DDX60L: variants seen among roughly 807,000 people sequenced by gnomAD.
The protein encoded by DDX60L is DExD/H-box 60 like.
DDX60L carries 191 observed loss-of-function variants against 211.6 expected under a neutral mutation model. The ratio of observed to expected loss-of-function variants is 0.90; its 90% CI spans 0.80 to 1.02. DDX60L has a LOEUF of 1.02. DDX60L is among the 50% of genes least tolerant of loss of function. DDX60L has a pLI of 0.00. For missense variants in DDX60L, 2,007 were observed against 1,984.1 expected, an observed-to-expected ratio of 1.01 and a Z score of -0.22; for synonymous variants, 706 against 694.1, an observed-to-expected ratio of 1.02 and a Z score of -0.27.
At position 168,461,826 on chromosome 4, in the gene DDX60L, A is replaced by T. The variant is rs1757356721; in HGVS notation, c.479T>A (p.Phe160Tyr). Reference protein sequence around the residue: ...LSDLQTYLFNFLIIHSWGMKV... With the variant: ...LSDLQTYLFNYLIIHSWGMKV... ...CATTCCCCAGGAATGTATGATTAGG[A>T]AGTTAAAAAGGTACGTTTGTAAATC... Residue 160 changes from phenylalanine to tyrosine, a missense_variant, in exon 5 of 38, where the codon TTC (phenylalanine) becomes TAC (tyrosine). Transcript: ENST00000682922. The T allele has an allele frequency of 6.2e-7, 1 of 1,608,050 alleles. No homozygotes were observed. Among genetic ancestry groups the T allele is most frequent in the East Asian group, 2.2e-5 (1 of 44,804 alleles).
chr4:168,437,366 A>G (rs1208234993), intron 10 of DDX60L, among the ~76,000 whole-genome samples: 1 of 152,204 alleles, frequency 6.6e-6, no homozygotes, highest in East Asian at 1.9e-4. Context: ...AGGTAGAGGC[A>G]GAGATGAAAG....
chr4:168,446,302 A>G (rs1449519397), intron 9 of DDX60L, among the ~76,000 whole-genome samples: 3 of 152,184 alleles, frequency 2.0e-5, no homozygotes, highest in Admixed American at 2.0e-4. Flanking sequence ...AGAATAAAAT[A>G]CCTAGGAATC....
rs771028367 is a variant in DDX60L at position 168,371,728 on chromosome 4, C to CTGAG, written c.4808_4811dup (p.Gln1604HisfsTer13). 2.5e-6 allele frequency: 4 copies of CTGAG among 1,610,702 alleles called. No individual in the cohort carries two copies. Among genetic ancestry groups the CTGAG allele is most frequent in the Non-Finnish European group, 3.4e-6 (4 of 1,177,628 alleles). On this transcript the variant is annotated frameshift_variant, in exon 36 of 38. Transcript: ENST00000682922. LOFTEE classifies it high-confidence loss of function. ...ATTTCCATGGCCACAGCAGAGGAGC[C>CTGAG]TGAGTGCCACTAACACCGACTGTGC...
intron 4 of DDX60L, 135 bp downstream of exon 4, chr4:168,471,611 AT>A (rs36117308): frequency 9.4e-6 from 6 of 641,158 alleles, no homozygotes; most frequent in Non-Finnish European, 1.5e-5. Context: ...ATTATGGGTA[AT>A]TTTTTCTTTT....
At chr4:168,433,770 C>G (rs571516200) in intron 10 of DDX60L, among the ~76,000 whole-genome samples, 5 of 152,320 alleles carry the variant, frequency 3.3e-5, no homozygotes, top group Admixed American at 2.6e-4. Context: ...GCATCTCTCA[C>G]TTTCCTTTGG....
chr4:168,453,142 A>T lies in DDX60L; in HGVS notation c.978T>A (p.Ser326Arg), dbSNP rs1756034244. ...TGTTTACCATTTTTAAGAAAGAATC[A>T]CTGTTCCTAATCCAAGAGCATGTGA... ...RVITCSWIRN[S>R]DSFLKMNKWC... Residue 326 changes from serine to arginine, a missense_variant, in exon 8 of 38, where the codon AGT (serine) becomes AGA (arginine). Physicochemically the swap from Ser to Arg is moderately radical, Grantham distance 110. Coordinates refer to ENST00000682922, the MANE Select transcript of DDX60L (RefSeq NM_001012967.3). 1 of 1,608,628 alleles carries T rather than the reference A, an allele frequency of 6.2e-7. No individual in the cohort carries two copies. The highest frequency in any genetic ancestry group is 1.1e-5 in the South Asian group (1 of 89,796).
chr4:168,395,855 T>G, intron 27 of DDX60L, 104 bp downstream of exon 27: 1 of 785,706 alleles, frequency 1.3e-6, no homozygotes, highest in Non-Finnish European at 2.1e-6. Flanking sequence ...TAATCATATT[T>G]CAAAGGTATT....
At chr4:168,369,928 T>C (rs868116013) in intron 36 of DDX60L, among the ~76,000 whole-genome samples, 1 of 152,088 alleles carries the variant, frequency 6.6e-6, no homozygotes, top group African/African-American at 2.4e-5. Flanking sequence ...AAGCAAGTGT[T>C]GGTGTGAATG....
chr4:168,403,272 G>A (rs981192207), intron 25 of DDX60L, among the ~76,000 whole-genome samples: 2 of 151,816 alleles, frequency 1.3e-5, no homozygotes, highest in Non-Finnish European at 2.9e-5. Context: ...AACACATGTG[G>A]CTTAGTGCTA....
intron 29 of DDX60L, chr4:168,390,191 A>T: frequency 9.9e-7 from 1 of 1,009,212 alleles, no homozygotes; most frequent in South Asian, 4.6e-5. Flanking sequence ...ATTGTGGTCC[A>T]TAGTAAATAA....
At chr4:168,382,906 C>T (rs948967118) in intron 30 of DDX60L, among the ~76,000 whole-genome samples, 1 of 152,098 alleles carries the variant, frequency 6.6e-6, no homozygotes, top group Non-Finnish European at 1.5e-5. Context: ...AGACTACAAA[C>T]AATAATAGCT....
intron 22 of DDX60L, among the ~76,000 whole-genome samples, chr4:168,411,538 A>G (rs1237356743): frequency 6.6e-6 from 1 of 152,190 alleles, no homozygotes; most frequent in Non-Finnish European, 1.5e-5. Context: ...AGCCTGACCC[A>G]GAGGAGAACT....
intron 13 of DDX60L, among the ~76,000 whole-genome samples, chr4:168,430,258 C>G (rs760136434): frequency 2.0e-5 from 3 of 152,120 alleles, no homozygotes; most frequent in Non-Finnish European, 4.4e-5. Context: ...GATGCCACCA[C>G]AGTTTCTGTA....
At chr4:168,363,214 C>A (rs1739397600) in intron 36 of DDX60L, among the ~76,000 whole-genome samples, 1 of 152,080 alleles carries the variant, frequency 6.6e-6, no homozygotes, top group Non-Finnish European at 1.5e-5. Context: ...GGAAAGCTAT[C>A]CTTCAGAAAT....
intron 7 of DDX60L, 133 bp downstream of exon 7, chr4:168,455,906 C>A: frequency 1.7e-6 from 1 of 597,180 alleles, no homozygotes; most frequent in South Asian, 2.2e-5. Context: ...GGCTAAATTC[C>A]TAATGAAGAA....
intron 4 of DDX60L, chr4:168,469,129 A>G (rs1324806851): frequency 6.6e-6 from 1 of 152,244 alleles, no homozygotes; most frequent in African/African-American, 2.4e-5. Context: ...CCAAAGTTAA[A>G]CAAAGAAGAA....
At chr4:168,376,612 T>C (rs1301973145) in intron 33 of DDX60L, among the ~76,000 whole-genome samples, 1 of 151,810 alleles carries the variant, frequency 6.6e-6, no homozygotes, top group East Asian at 1.9e-4. Context: ...GACAAAAGAA[T>C]AAATTGACAG....
chr4:168,406,551 G>A, intron 23 of DDX60L, 51 bp downstream of exon 23: 4 of 1,348,570 alleles, frequency 3.0e-6, no homozygotes, highest in Non-Finnish European at 4.1e-6. Flanking sequence ...CTATATTCTG[G>A]AATAGCATTA....
chr4:168,456,433 A>C (rs1366681165), intron 6 of DDX60L, among the ~76,000 whole-genome samples: 1 of 152,164 alleles, frequency 6.6e-6, no homozygotes, highest in Non-Finnish European at 1.5e-5. Context: ...ACAAAGAAGG[A>C]AATAGATTAT....
Sources: allele counts gnomAD v4.1 joint callset (sites outside exome capture counted in the v4.1 genomes callset), GRCh38; gene constraint gnomAD v4.1.1; transcripts MANE v1.5; gene names NCBI Gene and HGNC (gene_info 2026-07-23, HGNC 2026-07-21).